NAV2: variants seen among roughly 807,000 people sequenced by gnomAD.
NAV2 encodes the protein neuron navigator 2, also known as helicase, APC down-regulated 1.
A neutral mutation model predicts 223.2 loss-of-function variants in NAV2; 54 were observed. The observed-to-expected ratio is 0.24, with a 90% CI of 0.19 to 0.30. The LOEUF is 0.30. Among genes scored for constraint, NAV2 ranks in the 10% least tolerant of loss-of-function variants. The pLI is 1.00. For synonymous variants in NAV2, 1,279 were observed against 1,239.3 expected (o/e 1.03, Z -0.67); for missense variants, 2,806 against 3,147.5 (o/e 0.89, Z 2.60).
chr11:19,557,198 C>T (rs1363893323), intron 1 of NAV2, among the ~76,000 whole-genome samples: 1 of 152,174 alleles, frequency 6.6e-6, no homozygotes, highest in East Asian at 1.9e-4. Flanking sequence ...CCACAAGAGA[C>T]ATGGTATTAA....
intron 11 of NAV2, among the ~76,000 whole-genome samples, chr11:19,985,166 T>C (rs909000453): frequency 6.6e-6 from 1 of 152,204 alleles, no homozygotes; most frequent in African/African-American, 2.4e-5. Context: ...TTCCTGCTGT[T>C]CCCAGGGCAT....
intron 1 of NAV2, among the ~76,000 whole-genome samples, chr11:19,561,125 G>C (rs1327160463): frequency 6.6e-6 from 1 of 152,166 alleles, no homozygotes; most frequent in Non-Finnish European, 1.5e-5. Flanking sequence ...CTAAATTTCA[G>C]CTTGGGTCTC....
At chr11:19,455,992 G>C (rs1055118924) in intron 1 of NAV2, among the ~76,000 whole-genome samples, 1 of 152,216 alleles carries the variant, frequency 6.6e-6, no homozygotes, top group East Asian at 1.9e-4. Flanking sequence ...GGTGGGGCCA[G>C]CCCTGCAGAG....
intron 1 of NAV2, among the ~76,000 whole-genome samples, chr11:19,417,473 A>G (rs540714748): frequency 6.6e-6 from 1 of 152,348 alleles, no homozygotes; most frequent in East Asian, 1.9e-4. Flanking sequence ...GTGGAGAAAT[A>G]GGAACACTTT....
intron 37 of NAV2, among the ~76,000 whole-genome samples, chr11:20,115,631 CAAAAAAAAAAAA>C (rs386373266): frequency 8.4e-5 from 4 of 47,874 alleles, no homozygotes; most frequent in African/African-American, 1.6e-4. Flanking sequence ...GACTCCGTCT[CAAAAAAAAAAAA>C]AAAAAAAAAA....
intron 1 of NAV2, among the ~76,000 whole-genome samples, chr11:19,386,923 G>A (rs1455130808): frequency 6.6e-6 from 1 of 152,080 alleles, no homozygotes; most frequent in Non-Finnish European, 1.5e-5. Flanking sequence ...CTTTCTTTGG[G>A]GTAAAGTATA....
intron 1 of NAV2, among the ~76,000 whole-genome samples, chr11:19,403,412 T>C (rs2133331157): frequency 6.6e-6 from 1 of 152,150 alleles, no homozygotes; most frequent in South Asian, 2.1e-4. Flanking sequence ...GGGTTCAAGG[T>C]AGGAAGACAC....
chr11:20,089,704 C>T (rs1418838184), intron 26 of NAV2, among the ~76,000 whole-genome samples: 3 of 152,162 alleles, frequency 2.0e-5, no homozygotes, highest in Non-Finnish European at 4.4e-5. Flanking sequence ...ATGCTAAGAT[C>T]GTCGAAACTC....
intron 3 of NAV2, among the ~76,000 whole-genome samples, chr11:19,843,891 TC>T (rs146125494): frequency 0.09 from 13,660 of 152,248 alleles, 709 homozygotes; most frequent in Admixed American, 0.12. Context: ...TGTTTAGTTT[TC>T]TGAATTGTTA....
At chr11:19,728,712 G>A (rs1000633473) in intron 1 of NAV2, among the ~76,000 whole-genome samples, 4 of 152,332 alleles carry the variant, frequency 2.6e-5, no homozygotes, top group East Asian at 3.9e-4. Context: ...TGAGTACACC[G>A]TAAATGTTAC....
chr11:19,668,721 C>T (rs1217771136), intron 1 of NAV2, among the ~76,000 whole-genome samples: 1 of 151,778 alleles, frequency 6.6e-6, no homozygotes, highest in Non-Finnish European at 1.5e-5. Context: ...GGACGCTGAG[C>T]CACCTCACCC....
In NAV2 at chr11:20,103,394, G is replaced by A. The variant is rs761522307; in HGVS notation, c.6557G>A (p.Cys2186Tyr). ...GAGATCTTCAATGGGCTGCTCAACT[G>A]CAAGTACCACAAATGGTAAAGGCTG... ...LGEIFNGLLNCKYHKCPYIIG... is the reference protein window; with the variant it reads ...LGEIFNGLLNYKYHKCPYIIG... Residue 2186 changes from cysteine to tyrosine, a missense_variant, in exon 33 of 38, where the codon TGC becomes TAC. Physicochemically the swap from Cys to Tyr is radical, Grantham distance 194. Coordinates refer to ENST00000349880, the MANE Select transcript of NAV2 (RefSeq NM_145117.5). The A allele has an allele frequency of 6.2e-7, 1 of 1,613,760 alleles. No individual in the cohort carries two copies. Among genetic ancestry groups the A allele is most frequent in the South Asian group, 1.1e-5 (1 of 91,016 alleles).
At chr11:19,938,234 T>A (rs534331519) in intron 7 of NAV2, among the ~76,000 whole-genome samples, 6 of 151,996 alleles carry the variant, frequency 3.9e-5, no homozygotes, top group African/African-American at 9.6e-5. Context: ...CCGAAGACAG[T>A]GATGTCATCA....
rs539039467 is a variant in NAV2, at chr11:19,838,807, A to G, written c.386-4064A>G. Among the ~76,000 whole-genome samples, 4 of 152,294 alleles carry G rather than the reference A, an allele frequency of 2.6e-5. No individual in the cohort carries two copies. In the East Asian group the frequency reaches 7.7e-4, roughly 29 times the overall value. On this transcript the variant is annotated intron_variant, in intron 2 of 37. Coordinates refer to ENST00000349880, the MANE Select transcript of NAV2 (RefSeq NM_145117.5). ...CCCAGCTAATTTTTGTATTTTTAGT[A>G]GAGACAGGGTTTTGCCATATTGGCT...
intron 1 of NAV2, among the ~76,000 whole-genome samples, chr11:19,773,849 G>A (rs566248086): frequency 1.3e-5 from 2 of 152,016 alleles, no homozygotes; most frequent in African/African-American, 4.8e-5. Flanking sequence ...CATCTAATTG[G>A]TCTCCCTTCC....
rs771013576 is a variant in NAV2 at position 19,933,487 on chromosome 11, A to C, written c.1243A>C (p.Lys415Gln). 6.2e-6 allele frequency: 10 copies of C among 1,611,008 alleles called. No individual in the cohort carries two copies. The South Asian group carries it at 9.9e-5, about 16-fold the overall frequency. The change falls in exon 7 of 38, where the codon AAG becomes CAG. Residue 415 changes from lysine to glutamine, a missense_variant. Physicochemically the swap from Lys to Gln is moderately conservative, Grantham distance 53. This residue lies in a region of NAV2 where 1,167 missense variants were observed against 1,180.5 expected (regional missense o/e 0.99). Coordinates refer to ENST00000349880, the MANE Select transcript of NAV2 (RefSeq NM_145117.5). The surrounding 1 kb of genome is among the most constrained non-coding windows in gnomAD (Gnocchi z 4.3). ...ACTTTTCAACAGTAAAGGGGGCTCA[A>C]AGGCAGGTGAGGGGCCGGGGTCCCG... ...LKLFNSKGGS[K>Q]AGEGPGSRDT...
chr11:19,970,145 G>T (rs1394145545), intron 10 of NAV2, among the ~76,000 whole-genome samples: 1 of 152,106 alleles, frequency 6.6e-6, no homozygotes, highest in African/African-American at 2.4e-5. Flanking sequence ...TGAAACCACA[G>T]ACAAGGGAGG....
At chr11:19,729,830 C>T (rs1009571298) in intron 1 of NAV2, among the ~76,000 whole-genome samples, 4 of 152,176 alleles carry the variant, frequency 2.6e-5, no homozygotes, top group African/African-American at 9.6e-5. Context: ...TTTGGATCTG[C>T]AACCTATAGG....
At chr11:20,103,457 C>T (rs747779350) in intron 33 of NAV2, 48 bp downstream of exon 33, 1 of 1,589,918 alleles carries the variant, frequency 6.3e-7, no homozygotes, top group Admixed American at 1.7e-5. Flanking sequence ...AGAGTGCTGC[C>T]AGCTGATGGG....
Sources: gnomAD v4.1 joint callset for allele counts (sites outside exome capture counted in the v4.1 genomes callset) on GRCh38, gnomAD v4.1.1 for gene constraint, gnomAD v4.1.1 regional missense constraint, Gnocchi (gnomAD v3.1) non-coding constraint, MANE v1.5 for transcripts, NCBI Gene and HGNC (gene_info 2026-07-23, HGNC 2026-07-21) for gene names.